Variants in DOCK4 observed in about 807,000 individuals in gnomAD.
DOCK4 encodes dedicator of cytokinesis protein 4.
In DOCK4, 97 loss-of-function variants were observed where a neutral mutation model predicts 268.1. That is an observed-to-expected ratio of 0.36 (90% confidence interval 0.31 to 0.43). The LOEUF (loss-of-function observed/expected upper bound fraction) is 0.43. DOCK4 is among the 20% of genes least tolerant of loss of function. The pLI is 1.00. For synonymous variants in DOCK4, 954 were observed against 887.2 expected (o/e 1.08, Z -1.34); for missense variants, 2,145 against 2,455.7 (o/e 0.87, Z 2.67).
At chr7:112,061,568 G>A (rs1390586295) in intron 1 of DOCK4, among the ~76,000 whole-genome samples, 2 of 151,902 alleles carry the variant, frequency 1.3e-5, no homozygotes, top group African/African-American at 4.8e-5. Flanking sequence ...TGGAACAAGA[G>A]TCGGCACACA....
intron 4 of DOCK4, among the ~76,000 whole-genome samples, chr7:111,997,321 T>A (rs1386147108): frequency 6.6e-6 from 1 of 152,232 alleles, no homozygotes; most frequent in Non-Finnish European, 1.5e-5. Flanking sequence ...TTATTAGAAT[T>A]AGAATTATGC....
intron 9 of DOCK4, among the ~76,000 whole-genome samples, 197 bp from the exon 10 acceptor site, chr7:111,945,068 A>G (rs1795510590): frequency 6.6e-6 from 1 of 152,262 alleles, no homozygotes; most frequent in South Asian, 2.1e-4. Context: ...GATACCAAGT[A>G]ATACTTTAAA....
intron 8 of DOCK4, among the ~76,000 whole-genome samples, 197 bp from the exon 9 acceptor site, chr7:111,945,995 A>G (rs1316919687): frequency 1.3e-5 from 2 of 152,258 alleles, no homozygotes; most frequent in African/African-American, 4.8e-5. Flanking sequence ...GCAAAGCAGC[A>G]ACTACAAAAG....
At chr7:112,095,043 T>C (rs1371124975) in intron 1 of DOCK4, among the ~76,000 whole-genome samples, 2 of 152,208 alleles carry the variant, frequency 1.3e-5, no homozygotes, top group East Asian at 3.8e-4. Context: ...TATAGCAATG[T>C]AAGAACAGCC....
chr7:111,799,676 G>A (rs1800131934), intron 30 of DOCK4, among the ~76,000 whole-genome samples: 2 of 152,082 alleles, frequency 1.3e-5, no homozygotes, highest in African/African-American at 4.8e-5. Context: ...AACTAAGTAA[G>A]GGCTATTCAT....
intron 1 of DOCK4, among the ~76,000 whole-genome samples, chr7:112,140,289 A>G (rs927504695): frequency 2.0e-5 from 3 of 151,418 alleles, no homozygotes; most frequent in Non-Finnish European, 4.4e-5. Flanking sequence ...GGAGCCCCCA[A>G]CCCCCACCTG....
At chr7:112,080,534 A>T (rs1249481608) in intron 1 of DOCK4, among the ~76,000 whole-genome samples, 1 of 152,176 alleles carries the variant, frequency 6.6e-6, no homozygotes, top group Non-Finnish European at 1.5e-5. Context: ...CTTTCCTGAC[A>T]CGTCATTTAG....
chr7:112,017,649 C>T (rs1471598224), intron 1 of DOCK4, among the ~76,000 whole-genome samples: 1 of 152,178 alleles, frequency 6.6e-6, no homozygotes, highest in Non-Finnish European at 1.5e-5. Context: ...TCAGGAGAGA[C>T]TGGATAATTA....
At chr7:111,838,331 A>C (rs1803400544) in intron 25 of DOCK4, among the ~76,000 whole-genome samples, 2 of 152,182 alleles carry the variant, frequency 1.3e-5, no homozygotes, top group South Asian at 4.1e-4. Flanking sequence ...ATGACAATCA[A>C]GATAGTATGT....
At chr7:111,776,592 T>C (rs879062818) in intron 36 of DOCK4, among the ~76,000 whole-genome samples, 2 of 152,010 alleles carry the variant, frequency 1.3e-5, no homozygotes, top group Admixed American at 1.3e-4. Context: ...GTCCTCAAAA[T>C]GAGGAGAAGA....
At position 111,728,375 on chromosome 7, in the gene DOCK4, TG is replaced by T. The variant is rs1175746870; in HGVS notation, c.5826del (p.Lys1943SerfsTer60). ...PVTSEPPALP[P>X]KPLAARSSHL... ...TGGCTGGATCGCGCTGCCAGAGGCT[TG>T]GGGGGCAGCGCGGGCGGCTCCGACG... On this transcript the variant is annotated frameshift_variant, in exon 53 of 53. Transcript: ENST00000428084. LOFTEE classifies it high-confidence loss of function. 3 of 1,540,088 alleles carry T rather than the reference TG, an allele frequency of 1.9e-6. No homozygotes were observed. Among genetic ancestry groups the T allele is most frequent in the African/African-American group, 1.4e-5 (1 of 72,912 alleles).
At chr7:112,061,741 A>T (rs1301992784) in intron 1 of DOCK4, among the ~76,000 whole-genome samples, 2 of 79,252 alleles carry the variant, frequency 2.5e-5, no homozygotes, top group Admixed American at 3.4e-4. Flanking sequence ...TAACAATGTC[A>T]CACACACACA....
chr7:112,197,061 G>A (rs906922752), intron 1 of DOCK4, among the ~76,000 whole-genome samples: 2 of 152,080 alleles, frequency 1.3e-5, no homozygotes, highest in African/African-American at 4.8e-5. Context: ...GAAATTTCAC[G>A]TGAATTTTGC....
intron 27 of DOCK4, 29 bp downstream of exon 27, chr7:111,822,333 T>C (rs1227748600): frequency 6.4e-7 from 1 of 1,574,096 alleles, no homozygotes; most frequent in Admixed American, 1.7e-5. Flanking sequence ...TACATTGAGC[T>C]GCAATTATCA....
At chr7:111,785,217 G>A (rs954265308) in intron 32 of DOCK4, among the ~76,000 whole-genome samples, 13 of 152,124 alleles carry the variant, frequency 8.5e-5, no homozygotes, top group African/African-American at 3.1e-4. Flanking sequence ...GCCCTGACCA[G>A]TCCTGCAAGC....
chr7:112,089,118 C>T (rs537141076), intron 1 of DOCK4, among the ~76,000 whole-genome samples: 10 of 152,036 alleles, frequency 6.6e-5, no homozygotes, highest in South Asian at 4.2e-4. Flanking sequence ...GCCTATTTTT[C>T]CCTTTTTTTA....
intron 1 of DOCK4, among the ~76,000 whole-genome samples, chr7:112,058,968 T>C (rs1327876019): frequency 1.3e-5 from 2 of 152,130 alleles, no homozygotes; most frequent in African/African-American, 4.8e-5. Context: ...AACTCAACTC[T>C]AAGGACATCT....
Position 111,871,038 on chromosome 7 carries a change from G to A in DOCK4, c.2027+952C>T, listed in dbSNP as rs74439441. On this transcript the variant is annotated intron_variant, in intron 20 of 52. Transcript: ENST00000428084. ...CATTCATTTCGATGTTGGAGACGTC[G>A]ATCTTAACCTGTCATGGCTGGGAAT... Among the ~76,000 whole-genome samples the A allele has an allele frequency of 5.3e-3, 801 of 152,322 alleles. 8 individuals are homozygous for A. Among genetic ancestry groups the A allele is most frequent in the African/African-American group, 0.018 (756 of 41,580 alleles).
intron 1 of DOCK4, among the ~76,000 whole-genome samples, chr7:112,181,860 T>C (rs1819076201): frequency 6.6e-6 from 1 of 152,066 alleles, no homozygotes; most frequent in Non-Finnish European, 1.5e-5. Context: ...CTCCTGAGGA[T>C]TCTATGCTAT....
Sources: gnomAD v4.1 joint callset for allele counts (sites outside exome capture counted in the v4.1 genomes callset) on GRCh38, gnomAD v4.1.1 for gene constraint, MANE v1.5 for transcripts, NCBI Gene and HGNC (gene_info 2026-07-23, HGNC 2026-07-21) for gene names.